The following NFAM1 variants were observed in gnomAD, a reference collection of about 807,000 sequenced individuals.
NFAM1 encodes NFAT activation molecule 1.
NFAM1 carries 17 observed loss-of-function variants against 29.0 expected under a neutral mutation model. The ratio of observed to expected loss-of-function variants is 0.59; its 90% CI spans 0.40 to 0.88. NFAM1 has a LOEUF of 0.88. Ranked by LOEUF, NFAM1 falls within the 40% of genes least tolerant of loss-of-function variation. The pLI is 0.00. For missense variants in NFAM1, 324 were observed against 344.6 expected (o/e 0.94, Z 0.47); for synonymous variants, 175 against 147.2 (o/e 1.19, Z -1.36).
At chr22:42,391,770 C>T (rs1929349963) in intron 4 of NFAM1, among the ~76,000 whole-genome samples, 1 of 151,676 alleles carries the variant, frequency 6.6e-6, no homozygotes. Flanking sequence ...CATGTTGAAA[C>T]CCCATCTCTA....
At chr22:42,389,283 TG>T (rs576327912) in intron 4 of NFAM1, among the ~76,000 whole-genome samples, 1 of 151,484 alleles carries the variant, frequency 6.6e-6, no homozygotes, top group Admixed American at 6.6e-5. Context: ...ACCCATACAG[TG>T]GGGGAGTCGG....
intron 1 of NFAM1, among the ~76,000 whole-genome samples, chr22:42,431,140 T>G (rs1189795145): frequency 1.3e-5 from 2 of 152,154 alleles, no homozygotes; most frequent in East Asian, 1.9e-4. Flanking sequence ...GAGGCTGGCC[T>G]GGGGCTGAGG....
intron 3 of NFAM1, among the ~76,000 whole-genome samples, chr22:42,399,664 C>T (rs1601742431): frequency 6.6e-6 from 1 of 152,008 alleles, no homozygotes; most frequent in Non-Finnish European, 1.5e-5. Context: ...CTGGGCCGGG[C>T]CTGCTGGGAA....
rs561198715 is a variant in NFAM1 at position 42,419,211 on chromosome 22, C to T, written c.122-7475G>A. ...ACCTGCCCACCACCTGCACAACGCC[C>T]CCATCCCTCCAACTCAACAGCTCCC... On this transcript the variant is annotated intron_variant, in intron 1 of 5. Transcript: ENST00000329021. The surrounding 1 kb of genome is among the most constrained non-coding windows in gnomAD (Gnocchi z 4.5). Among the ~76,000 whole-genome samples the T allele has an allele frequency of 6.6e-6, 1 of 152,138 alleles. No individual in the cohort carries two copies. Among genetic ancestry groups the T allele is most frequent in the Non-Finnish European group, 1.5e-5 (1 of 67,992 alleles).
rs1021879523 is a variant in NFAM1, at chr22:42,387,004, C to G, written c.738G>C (p.Gln246His). The change falls in exon 5 of 6, where the codon CAG becomes CAC. Residue 246 changes from glutamine (Q) to histidine (H), a missense_variant. Coordinates refer to ENST00000329021, the MANE Select transcript of NFAM1 (RefSeq NM_145912.8). ...NEDGSSPTAK[Q>H]SPLSQERPHR... is the part of the protein sequence containing the mutation. ...GCCTGTGTACCTGGGAGAGGGGGCT[C>G]TGCTTGGCGGTGGGTGAGCTGCCAT... 2 of 1,569,542 alleles carry G rather than the reference C, an allele frequency of 1.3e-6. No homozygotes were observed. Among genetic ancestry groups the G allele is most frequent in the African/African-American group, 2.8e-5 (2 of 71,966 alleles).
At chr22:42,400,184 A>G (rs1328280095) in intron 3 of NFAM1, among the ~76,000 whole-genome samples, 1 of 152,246 alleles carries the variant, frequency 6.6e-6, no homozygotes, top group African/African-American at 2.4e-5. Flanking sequence ...CTGCTTAGTT[A>G]GAACGTGTGA....
upstream of NFAM1, among the ~76,000 whole-genome samples, chr22:42,435,756 T>C (rs1429896082): frequency 6.6e-6 from 1 of 151,718 alleles, no homozygotes; most frequent in Non-Finnish European, 1.5e-5. Context: ...GCGCTCCCTG[T>C]CCAGGGAGAA....
chr22:42,413,140 C>G (rs1930148886), intron 1 of NFAM1, among the ~76,000 whole-genome samples: 1 of 152,204 alleles, frequency 6.6e-6, no homozygotes, highest in African/African-American at 2.4e-5. Context: ...GCAGACAGTT[C>G]TAAATTGAGG....
intron 4 of NFAM1, among the ~76,000 whole-genome samples, chr22:42,391,213 G>T (rs1033905582): frequency 6.6e-6 from 1 of 152,132 alleles, no homozygotes. Context: ...TCTCCCAGAG[G>T]GTTTCTCTAA....
At chr22:42,398,392 T>G (rs1380661094) in intron 3 of NFAM1, among the ~76,000 whole-genome samples, 2 of 106,608 alleles carry the variant, frequency 1.9e-5, no homozygotes, top group African/African-American at 6.0e-5. Flanking sequence ...TTTATTATTA[T>G]TATTATTATT....
rs1929235603 is a variant in NFAM1, at chr22:42,388,769, C to T, written c.664-1691G>A. Among the ~76,000 whole-genome samples the T allele has an allele frequency of 6.6e-6, 1 of 152,228 alleles. No individual in the cohort carries two copies. Among genetic ancestry groups the T allele is most frequent in the Admixed American group, 6.5e-5 (1 of 15,288 alleles). ...GGCATCAGACATGGGGATGGTGGGG[C>T]GGCCCTGAGGACGAGTTCAAGGGGT... On this transcript the variant is annotated intron_variant, in intron 4 of 5. Transcript: ENST00000329021. The surrounding 1 kb of genome is among the most constrained non-coding windows in gnomAD (Gnocchi z 4.1).
chr22:42,400,038 A>T (rs1254044398), intron 3 of NFAM1, among the ~76,000 whole-genome samples: 4 of 152,158 alleles, frequency 2.6e-5, no homozygotes, highest in African/African-American at 9.7e-5. Flanking sequence ...TGTTCTGTAC[A>T]TGAGGGAGTG....
intron 1 of NFAM1, among the ~76,000 whole-genome samples, chr22:42,415,626 C>T (rs2147112154): frequency 6.6e-6 from 1 of 152,240 alleles, no homozygotes; most frequent in South Asian, 2.1e-4. Flanking sequence ...GGGGCATCAG[C>T]ACCCCAGAGC....
intron 1 of NFAM1, among the ~76,000 whole-genome samples, chr22:42,431,102 T>C (rs951710227): frequency 7.2e-5 from 11 of 152,212 alleles, no homozygotes; most frequent in African/African-American, 2.7e-4. Context: ...CCTCTGAGCC[T>C]ACTGGCCGAG....
At position 42,381,615 on chromosome 22, in the gene NFAM1, A is replaced by G. The variant is rs11090090; in HGVS notation, c.*3546T>C. 85,407 of 152,910 alleles carry G rather than the reference A, an allele frequency of 0.56. 25,936 individuals are homozygous for G. The highest frequency in any genetic ancestry group is 0.82 in the African/African-American group (33,812 of 41,462). The allele number at this position is 152,910 out of a possible 1,614,324, so 9.5% of individuals were successfully genotyped here. On this transcript the variant is annotated 3_prime_UTR_variant, in exon 6 of 6. Transcript: ENST00000329021. ...GGGCTGCCTGGGGCTTCCCTTCCCC[A>G]CCCTAACTCCAGTCCCCACTCAGGA... is the stretch of plus-strand genomic sequence containing the variant.
At chr22:42,399,049 C>T (rs1462098789) in intron 3 of NFAM1, among the ~76,000 whole-genome samples, 1 of 152,148 alleles carries the variant, frequency 6.6e-6, no homozygotes, top group East Asian at 1.9e-4. Flanking sequence ...AGGTGAAATC[C>T]TGAGGGCAAG....
intron 1 of NFAM1, among the ~76,000 whole-genome samples, chr22:42,426,789 C>G (rs780305164): frequency 6.6e-6 from 1 of 152,132 alleles, no homozygotes; most frequent in Non-Finnish European, 1.5e-5. Context: ...AGGACCCCCA[C>G]GATCCACGAC....
upstream of NFAM1, among the ~76,000 whole-genome samples, chr22:42,436,546 G>A (rs1383422949): frequency 6.6e-6 from 1 of 152,232 alleles, no homozygotes; most frequent in African/African-American, 2.4e-5. Context: ...CCAGAGGCAG[G>A]CAGACCCACC....
At chr22:42,408,473 C>A (rs1456613553) in intron 3 of NFAM1, among the ~76,000 whole-genome samples, 1 of 152,176 alleles carries the variant, frequency 6.6e-6, no homozygotes, top group Non-Finnish European at 1.5e-5. Context: ...CGAAGGTCCC[C>A]GGAGGGTGGA....
Sources: allele counts gnomAD v4.1 joint callset (sites outside exome capture counted in the v4.1 genomes callset), GRCh38; gene constraint gnomAD v4.1.1; non-coding constraint Gnocchi (gnomAD v3.1); transcripts MANE v1.5; gene names NCBI Gene and HGNC (gene_info 2026-07-23, HGNC 2026-07-21).